DNAH2: variants seen among roughly 807,000 people sequenced by gnomAD.
DNAH2 encodes dynein axonemal heavy chain 2.
A neutral mutation model predicts 523.5 loss-of-function variants in DNAH2; 323 were observed. That is an observed-to-expected ratio of 0.62 (90% CI 0.56 to 0.68). The LOEUF is 0.68. Among genes scored for constraint, DNAH2 ranks in the 30% least tolerant of loss-of-function variants. DNAH2 has a pLI of 0.00. For missense variants in DNAH2, 4,907 were observed against 5,701.5 expected, an observed-to-expected ratio of 0.86 and a Z score of 4.49; for synonymous variants, 2,093 against 2,177.4, an observed-to-expected ratio of 0.96 and a Z score of 1.08.
chr17:7,723,648 C>T lies in DNAH2; in HGVS notation c.187C>T (p.Gln63Ter), dbSNP rs1247444882. The T allele has an allele frequency of 6.2e-7, 1 of 1,613,906 alleles. No homozygotes were observed. The highest frequency in any genetic ancestry group is 2.2e-5 in the East Asian group (1 of 44,878). Residue 63 changes from glutamine to a stop codon, truncating the protein, a stop_gained, in exon 3 of 86, where the codon CAA becomes TAA. Coordinates refer to ENST00000572933, the MANE Select transcript of DNAH2 (RefSeq NM_020877.5). LOFTEE classifies it high-confidence loss of function. ...CCTAGAGCCACGGTTGGAGGGACCT[C>T]AAGCACAGAGTGAAGAATCAGTGGA... ...EEPEPRLEGP[Q>*]AQSEESVEPE...
Position 7,832,779 on chromosome 17 carries a change from G to C in DNAH2, c.12903+24G>C, listed in dbSNP as rs377699867. The C allele has an allele frequency of 5.6e-6, 9 of 1,614,110 alleles. No homozygotes were observed. Among genetic ancestry groups the C allele is most frequent in the South Asian group, 1.1e-5 (1 of 91,084 alleles). ...ACGTGAGCAATGTGCAAAGTGTGAGGGGGGGATGTATGCTGGGGCCATGTA... is the reference window on the plus strand; with the variant it reads ...ACGTGAGCAATGTGCAAAGTGTGAGCGGGGGATGTATGCTGGGGCCATGTA... On this transcript the variant is annotated intron_variant, in intron 83 of 85. Coordinates refer to ENST00000572933, the MANE Select transcript of DNAH2 (RefSeq NM_020877.5). This position sits in a 1 kb window ranked among gnomAD's most constrained non-coding sequence, Gnocchi z 4.3.
intron 33 of DNAH2, 30 bp from the exon 34 acceptor site, chr17:7,778,047 C>T (rs2076503955): frequency 6.3e-7 from 1 of 1,587,102 alleles, no homozygotes; most frequent in Admixed American, 1.7e-5. Flanking sequence ...CCAAGCCCAC[C>T]TCTCTCTTTT....
intron 77 of DNAH2, among the ~76,000 whole-genome samples, chr17:7,825,059 AT>A (rs1274925560): frequency 6.6e-6 from 1 of 152,224 alleles, no homozygotes; most frequent in African/African-American, 2.4e-5. Context: ...GTAAATAAGT[AT>A]TCCAGAGCCA....
chr17:7,826,476 A>G (rs2078021253), intron 77 of DNAH2, among the ~76,000 whole-genome samples: 1 of 151,924 alleles, frequency 6.6e-6, no homozygotes, highest in Non-Finnish European at 1.5e-5. Flanking sequence ...AAGAAGATTT[A>G]TAAAATATAT....
At chr17:7,774,625 T>C (rs2076399598) in intron 28 of DNAH2, 134 bp from the exon 29 acceptor site, 4 of 701,422 alleles carry the variant, frequency 5.7e-6, no homozygotes, top group Non-Finnish European at 7.2e-6. Flanking sequence ...GGGATACTTC[T>C]CTGCGTCCAG....
At chr17:7,793,507 CTT>C (rs1357068219) in intron 48 of DNAH2, among the ~76,000 whole-genome samples, 37 of 132,196 alleles carry the variant, frequency 2.8e-4, no homozygotes, top group Non-Finnish European at 2.9e-4. Context: ...TTCTTTCTTT[CTT>C]TCTTTCTTCT....
At chr17:7,752,934 G>T (rs561646406) in intron 12 of DNAH2, among the ~76,000 whole-genome samples, 16 of 152,260 alleles carry the variant, frequency 1.1e-4, no homozygotes, top group Non-Finnish European at 2.1e-4. Flanking sequence ...TGAAAAATCA[G>T]AAAATGCATC....
rs372976044 is a variant in DNAH2 at position 7,823,961 on chromosome 17, G to A, written c.11457G>A (p.Pro3819=). 1.1e-4 allele frequency: 170 copies of A among 1,613,366 alleles called. No individual in the cohort carries two copies. The highest frequency in any genetic ancestry group is 1.4e-4 in the Non-Finnish European group (165 of 1,180,010). ...ITNLGSRFIE[P]PVLNMKSVLE... ...ACCTTGGCTCCCGCTTCATCGAGCC[G>A]CCTGTGCTGAATATGAAGTCGGTCG... is the stretch of plus-strand genomic sequence containing the variant. Residue 3819 remains proline (P), a synonymous_variant, in exon 75 of 86, where the codon CCG becomes CCA. Coordinates refer to ENST00000572933, the MANE Select transcript of DNAH2 (RefSeq NM_020877.5).
At position 7,807,681 on chromosome 17, in the gene DNAH2, C is replaced by T; in HGVS notation, c.9729+95C>T. Reference sequence around the variant, plus strand: ...TGTTTTCCCCCATCTAATTCTAGCCCCCTTCCCCATGTCCTGTGCCATTCC... The same window carrying T: ...TGTTTTCCCCCATCTAATTCTAGCCTCCTTCCCCATGTCCTGTGCCATTCC... On this transcript the variant is annotated intron_variant, in intron 63 of 85. Transcript: ENST00000572933. This position sits in a 1 kb window ranked among gnomAD's most constrained non-coding sequence, Gnocchi z 5.6. 9.1e-7 allele frequency: 1 copy of T among 1,102,758 alleles called. No homozygotes were observed. The highest frequency in any genetic ancestry group is 1.4e-5 in the South Asian group (1 of 71,538). The allele number at this position is 1,102,758 out of a possible 1,614,324, so 68.3% of individuals were successfully genotyped here.
At chr17:7,720,760 G>C (rs971551359) in intron 2 of DNAH2, among the ~76,000 whole-genome samples, 1 of 152,132 alleles carries the variant, frequency 6.6e-6, no homozygotes, top group African/African-American at 2.4e-5. Context: ...ACTTGCATTA[G>C]GTTCCAGGAT....
intron 18 of DNAH2, among the ~76,000 whole-genome samples, chr17:7,761,470 T>C (rs995814462): frequency 6.6e-6 from 1 of 152,042 alleles, no homozygotes. Context: ...AGAGATTCTA[T>C]GTTGCCCACT....
At chr17:7,781,020 G>GTCTC (rs2151247503) in intron 38 of DNAH2, 22 bp from the exon 39 acceptor site, 2 of 1,613,700 alleles carry the variant, frequency 1.2e-6, no homozygotes, top group Non-Finnish European at 1.7e-6. Flanking sequence ...TCAAGCCTGA[G>GTCTC]TCTCTGTCTT....
chr17:7,773,054 A>T lies in DNAH2; in HGVS notation c.4501+1586A>T, dbSNP rs184399430. On this transcript the variant is annotated intron_variant, in intron 28 of 85. Transcript: ENST00000572933. The stretch of plus-strand genomic sequence containing the variant: ...CTCCCAAAGTGCTGGGATTATAGGC[A>T]TGAGCCACCACACCCAGCCTCACGT... 1.2e-4 allele frequency among the ~76,000 whole-genome samples: 19 copies of T among 152,224 alleles called. No individual in the cohort carries two copies. The East Asian group carries it at 3.5e-3, about 28-fold the overall frequency.
chr17:7,794,276 T>C lies in DNAH2; in HGVS notation c.7592T>C (p.Met2531Thr), dbSNP rs768238485. The change falls in exon 49 of 86, where the codon ATG (methionine) becomes ACG (threonine). Residue 2531 changes from methionine to threonine, a missense_variant. Met to Thr is a moderately conservative substitution (Grantham distance 81). This residue lies in a region of DNAH2 where 250 missense variants were observed against 371.3 expected (regional missense o/e 0.67). Transcript: ENST00000572933. ...TAGGAAATGTTCCTGATGGCTGCCA[T>C]GGGCCCCCCTGGGGGTGGACGGACT... ...YIREMFLMAA[M>T]GPPGGGRTVI... 6.2e-7 allele frequency: 1 copy of C among 1,609,102 alleles called. No homozygotes were observed. Among genetic ancestry groups the C allele is most frequent in the South Asian group, 1.1e-5 (1 of 90,218 alleles).
Position 7,763,680 on chromosome 17 carries a change from A to G in DNAH2, c.2979-151A>G, listed in dbSNP as rs1420167030. The G allele has an allele frequency of 2.8e-5, 24 of 845,884 alleles. No individual in the cohort carries two copies. The East Asian group carries it at 6.0e-4, about 21-fold the overall frequency. 52.4% of individuals were successfully genotyped at this position (845,884 alleles called of 1,614,324 possible). On this transcript the variant is annotated intron_variant, in intron 18 of 85. Coordinates refer to ENST00000572933, the MANE Select transcript of DNAH2 (RefSeq NM_020877.5). ...AGTCACAGCTGCATGGCTGGGGCAG[A>G]TTGGAATGAGGGATGCCTGGGAGTA...
intron 65 of DNAH2, 39 bp downstream of exon 65, chr17:7,817,454 C>G (rs2077704941): frequency 4.3e-6 from 7 of 1,613,456 alleles, no homozygotes; most frequent in Admixed American, 1.7e-5. Flanking sequence ...GGCTCCGAGA[C>G]CAGGGCTGGG....
chr17:7,753,173 A>G (rs2075736761), intron 12 of DNAH2, among the ~76,000 whole-genome samples: 1 of 152,330 alleles, frequency 6.6e-6, no homozygotes, highest in South Asian at 2.1e-4. Context: ...AGGCCGAGGA[A>G]GGATGCATGG....
At chr17:7,797,061 C>T in intron 50 of DNAH2, 115 bp from the exon 51 acceptor site, 2 of 922,490 alleles carry the variant, frequency 2.2e-6, no homozygotes, top group Non-Finnish European at 3.3e-6. Context: ...GAGATTGCAC[C>T]ACTGCAGTCC....
chr17:7,804,777 C>T (rs1311419259), intron 59 of DNAH2, among the ~76,000 whole-genome samples, 181 bp from the exon 60 acceptor site: 2 of 151,568 alleles, frequency 1.3e-5, no homozygotes, highest in African/African-American at 2.4e-5. Flanking sequence ...ACCCTGGGGG[C>T]GGAGGTTGCA....
Sources: gnomAD v4.1 joint callset for allele counts (sites outside exome capture counted in the v4.1 genomes callset) on GRCh38, gnomAD v4.1.1 for gene constraint, gnomAD v4.1.1 regional missense constraint, Gnocchi (gnomAD v3.1) non-coding constraint, MANE v1.5 for transcripts, NCBI Gene and HGNC (gene_info 2026-07-23, HGNC 2026-07-21) for gene names.